The following ANO3 variants were observed in gnomAD, a reference collection of about 807,000 sequenced individuals.
The protein encoded by ANO3 is anoctamin 3, also known as anoctamin-3.
Under a neutral mutation model 144.8 loss-of-function variants are expected in ANO3, and 99 were observed. The ratio of observed to expected loss-of-function variants is 0.68; its 90% CI spans 0.58 to 0.81. The LOEUF (loss-of-function observed/expected upper bound fraction) is 0.81. ANO3 is among the 30% of genes least tolerant of loss of function. The probability of loss-of-function intolerance (pLI) is 0.00; values close to 1 mark genes in which losing one functional copy is unlikely to be tolerated. For synonymous variants in ANO3, 414 were observed against 392.6 expected, an observed-to-expected ratio of 1.05 and a Z score of -0.64; for missense variants, 905 against 1,202.2, an observed-to-expected ratio of 0.75 and a Z score of 3.66.
Position 26,598,912 on chromosome 11 carries a change from C to A in ANO3, c.1585C>A (p.Pro529Thr), listed in dbSNP as rs371081253. Reference protein sequence around the residue: ...AKYYKMEIVNPITGKPEPHQP... With the variant: ...AKYYKMEIVNTITGKPEPHQP... The stretch of plus-strand genomic sequence containing the variant: ...GTATTACAAGATGGAGATTGTAAAT[C>A]CCATCACGGGAAAACCTGAACCACA... The change falls in exon 16 of 27, where the codon CCC becomes ACC. Residue 529 changes from proline (P) to threonine (T), a missense_variant. Physicochemically the swap from Pro to Thr is conservative, Grantham distance 38. Coordinates refer to ENST00000256737, the MANE Select transcript of ANO3 (RefSeq NM_031418.4). The A allele has an allele frequency of 3.7e-6, 6 of 1,613,720 alleles. No homozygotes were observed. The highest frequency in any genetic ancestry group is 2.2e-5 in the East Asian group (1 of 44,864).
At chr11:26,246,090 G>A (rs1852785400) in intron 1 of ANO3, among the ~76,000 whole-genome samples, 1 of 152,142 alleles carries the variant, frequency 6.6e-6, no homozygotes, top group Non-Finnish European at 1.5e-5. Context: ...CAGAAGAGGA[G>A]AGATTGGAGA....
At chr11:26,438,622 A>C (rs1271258880) in intron 1 of ANO3, among the ~76,000 whole-genome samples, 1 of 149,556 alleles carries the variant, frequency 6.7e-6, no homozygotes. Flanking sequence ...AAAAAAAAAA[A>C]AAGAAAATAG....
chr11:26,362,436 C>T (rs1003298630), intron 1 of ANO3, among the ~76,000 whole-genome samples: 4 of 152,094 alleles, frequency 2.6e-5, no homozygotes, highest in Non-Finnish European at 5.9e-5. Flanking sequence ...CCTTTTGTTC[C>T]ACTGAGCAAG....
intron 1 of ANO3, among the ~76,000 whole-genome samples, chr11:26,240,349 A>G (rs1852636567): frequency 6.6e-6 from 1 of 152,220 alleles, no homozygotes; most frequent in African/African-American, 2.4e-5. Context: ...TACTAATTGC[A>G]TCTTTAATTA....
chr11:26,635,350 AATT>A (rs1852921837), intron 20 of ANO3, among the ~76,000 whole-genome samples: 2 of 151,640 alleles, frequency 1.3e-5, no homozygotes, highest in Non-Finnish European at 2.9e-5. Flanking sequence ...TTTTTTTTTA[AATT>A]ATTATTATTC....
chr11:26,257,339 A>T (rs1011372107), intron 1 of ANO3, among the ~76,000 whole-genome samples: 2 of 152,074 alleles, frequency 1.3e-5, no homozygotes, highest in South Asian at 4.1e-4. Flanking sequence ...ACCCAAGGAC[A>T]TGTAACTACC....
intron 4 of ANO3, among the ~76,000 whole-genome samples, chr11:26,463,653 C>T (rs1379987766): frequency 6.6e-6 from 1 of 151,792 alleles, no homozygotes; most frequent in South Asian, 2.1e-4. Flanking sequence ...ATTGAGAATA[C>T]CTTATTGAAA....
intron 14 of ANO3, among the ~76,000 whole-genome samples, chr11:26,586,576 C>T (rs1179218865): frequency 7.2e-6 from 1 of 138,144 alleles, no homozygotes; most frequent in Non-Finnish European, 1.5e-5. Context: ...GATCTCGGCT[C>T]ACCGCAAGCT....
At chr11:26,581,351 A>G (rs1174617040) in intron 14 of ANO3, among the ~76,000 whole-genome samples, 2 of 148,614 alleles carry the variant, frequency 1.3e-5, no homozygotes, top group East Asian at 3.9e-4. Context: ...GAACATACAT[A>G]AGTTTAGGAT....
At chr11:26,537,289 C>A in intron 9 of ANO3, 117 bp from the exon 10 acceptor site, 2 of 804,848 alleles carry the variant, frequency 2.5e-6, no homozygotes, top group South Asian at 1.5e-5. Flanking sequence ...CTATGGAAGT[C>A]ATTTGGGTTA....
At chr11:26,562,493 T>C (rs1196210954) in intron 14 of ANO3, among the ~76,000 whole-genome samples, 2 of 151,952 alleles carry the variant, frequency 1.3e-5, no homozygotes, top group African/African-American at 2.4e-5. Context: ...ATTGATATTA[T>C]ATTATTAAAG....
chr11:26,341,526 T>C (rs889019399), intron 1 of ANO3, among the ~76,000 whole-genome samples: 7 of 152,208 alleles, frequency 4.6e-5, no homozygotes, highest in Admixed American at 6.5e-5. Context: ...ATAAACCATT[T>C]AATAAAAAGG....
chr11:26,227,296 G>GAA, intron 1 of ANO3, among the ~76,000 whole-genome samples: 1 of 152,250 alleles, frequency 6.6e-6, no homozygotes, highest in African/African-American at 2.4e-5. Flanking sequence ...GTTGTCTCAT[G>GAA]CATTTGCTAG....
rs1178213646 is a variant in ANO3 at position 26,635,084 on chromosome 11, G to T, written c.2043+14G>T. ...AGACTGGAGGAAGTAAGTAACTTTG[G>T]GAGTGTGGGTGCAGGAATGGGCATG... On this transcript the variant is annotated intron_variant, in intron 20 of 26. Coordinates refer to ENST00000256737, the MANE Select transcript of ANO3 (RefSeq NM_031418.4). 1.2e-6 allele frequency: 2 copies of T among 1,612,346 alleles called. No individual in the cohort carries two copies. Among genetic ancestry groups the T allele is most frequent in the Non-Finnish European group, 1.7e-6 (2 of 1,178,706 alleles).
intron 1 of ANO3, among the ~76,000 whole-genome samples, chr11:26,194,489 T>TGTGTGTGTGTGTGTGTG (rs772353732): frequency 2.0e-5 from 3 of 146,836 alleles, no homozygotes; most frequent in African/African-American, 7.6e-5. Flanking sequence ...TGTGTGTGTA[T>TGTGTGTGTGTGTGTGTG]TATTTATTTA....
chr11:26,399,031 A>T (rs1309959719), intron 1 of ANO3, among the ~76,000 whole-genome samples: 2 of 152,028 alleles, frequency 1.3e-5, no homozygotes, highest in East Asian at 3.9e-4. Context: ...AGGGAGTCTG[A>T]GGTATTTGTA....
At chr11:26,502,113 TTTCCAACTGTCTTTGTCC>T (rs1278353828) in intron 4 of ANO3, among the ~76,000 whole-genome samples, 4 of 152,254 alleles carry the variant, frequency 2.6e-5, no homozygotes, top group African/African-American at 9.6e-5. Flanking sequence ...TACTTATCTG[TTTCCAACTGTCTTTGTCC>T]TGAGAAAGAT....
At chr11:26,329,370 C>T (rs2133885751), upstream of ANO3, among the ~76,000 whole-genome samples, 1 of 150,632 alleles carries the variant, frequency 6.6e-6, no homozygotes, top group South Asian at 2.1e-4. Context: ...CTTTGCACTG[C>T]CTTTCTATAA....
At chr11:26,630,328 C>T (rs552199580) in intron 18 of ANO3, among the ~76,000 whole-genome samples, 9 of 152,340 alleles carry the variant, frequency 5.9e-5, no homozygotes, top group South Asian at 2.1e-4. Flanking sequence ...GCATTTCTCA[C>T]AGGACAATTT....
Sources: gnomAD v4.1 joint callset for allele counts (sites outside exome capture counted in the v4.1 genomes callset) on GRCh38, gnomAD v4.1.1 for gene constraint, MANE v1.5 for transcripts, NCBI Gene and HGNC (gene_info 2026-07-23, HGNC 2026-07-21) for gene names.